The following SOBP variants were observed in gnomAD, a reference collection of about 807,000 sequenced individuals.
SOBP encodes the protein sine oculis-binding protein homolog.
A neutral mutation model predicts 53.6 loss-of-function variants in SOBP; 4 were observed. That is an observed-to-expected ratio of 0.07 (90% CI 0.04 to 0.17). The LOEUF is 0.17. Ranked by LOEUF, SOBP falls within the 10% of genes least tolerant of loss-of-function variation. The pLI, the probability that SOBP is intolerant of heterozygous loss-of-function variation, is 1.00. For synonymous variants in SOBP, 584 were observed against 522.6 expected (o/e 1.12, Z -1.60); for missense variants, 1,088 against 1,204.7 (o/e 0.90, Z 1.43).
chr6:107,515,158 A>G (rs754018033), intron 3 of SOBP: 5 of 152,254 alleles, frequency 3.3e-5, no homozygotes, highest in Non-Finnish European at 5.9e-5. Flanking sequence ...TTAACTTACC[A>G]AAACAGACAG....
rs141775615 is a variant in SOBP at position 107,500,747 on chromosome 6, G to A, written c.97-2910G>A. On this transcript the variant is annotated intron_variant, in intron 1 of 6. Transcript: ENST00000317357. ...TCACCATGTTAGCCAGGATGGTCTC[G>A]ATCTCCTGACCTTGTGATCTGCCCA... 6.3e-3 allele frequency among the ~76,000 whole-genome samples: 957 copies of A among 152,100 alleles called. 6 individuals carry two copies. The highest frequency in any genetic ancestry group is 0.011 in the Non-Finnish European group (748 of 67,996).
intron 5 of SOBP, among the ~76,000 whole-genome samples, chr6:107,613,946 CA>C (rs1051445775): frequency 2.0e-5 from 3 of 152,196 alleles, no homozygotes; most frequent in African/African-American, 7.2e-5. Context: ...TCAACAATCA[CA>C]AAATGATCCA....
chr6:107,546,601 T>C (rs1195141369), intron 4 of SOBP, among the ~76,000 whole-genome samples: 1 of 152,192 alleles, frequency 6.6e-6, no homozygotes, highest in Non-Finnish European at 1.5e-5. Context: ...CCTCTGGATT[T>C]GAAATGGGTG....
At chr6:107,530,321 T>C (rs1783784275) in intron 3 of SOBP, among the ~76,000 whole-genome samples, 1 of 152,214 alleles carries the variant, frequency 6.6e-6, no homozygotes, top group Non-Finnish European at 1.5e-5. Context: ...TTGTAAAGCA[T>C]GCATTTCATT....
intron 6 of SOBP, among the ~76,000 whole-genome samples, chr6:107,645,483 G>T (rs2115169205): frequency 6.6e-6 from 1 of 152,100 alleles, no homozygotes; most frequent in East Asian, 1.9e-4. Flanking sequence ...GAGGGTGTGT[G>T]GCAGGAGTCC....
At chr6:107,555,811 G>C (rs1217732967) in intron 4 of SOBP, among the ~76,000 whole-genome samples, 2 of 152,216 alleles carry the variant, frequency 1.3e-5, no homozygotes, top group African/African-American at 4.8e-5. Context: ...TAGCAATACT[G>C]TTGTGTCTCC....
intron 3 of SOBP, chr6:107,514,803 C>T (rs1783269939): frequency 6.6e-6 from 1 of 152,132 alleles, no homozygotes; most frequent in Non-Finnish European, 1.5e-5. Flanking sequence ...TAGTTGCTCT[C>T]CTGATTTTAT....
intron 4 of SOBP, among the ~76,000 whole-genome samples, chr6:107,577,382 C>T (rs1286955431): frequency 1.3e-5 from 2 of 152,218 alleles, no homozygotes; most frequent in Admixed American, 1.3e-4. Flanking sequence ...GCTTTTGGTG[C>T]TCCACCCCCT....
At chr6:107,506,201 C>T (rs1219166704) in intron 2 of SOBP, 41 bp from the exon 3 acceptor site, 1 of 1,574,162 alleles carries the variant, frequency 6.4e-7, no homozygotes, top group Non-Finnish European at 8.7e-7. Flanking sequence ...TACTGCATTA[C>T]ATTCCTTGGT....
intron 5 of SOBP, among the ~76,000 whole-genome samples, chr6:107,595,018 G>A (rs1387270591): frequency 1.3e-5 from 2 of 152,180 alleles, no homozygotes; most frequent in South Asian, 2.1e-4. Context: ...AAGGAGTACA[G>A]TCTATGATTG....
At chr6:107,517,586 C>G (rs1042105452) in intron 3 of SOBP, among the ~76,000 whole-genome samples, 22 of 152,322 alleles carry the variant, frequency 1.4e-4, no homozygotes, top group African/African-American at 5.1e-4. Context: ...ATTTGGGGGA[C>G]ACACAAACAT....
intron 5 of SOBP, among the ~76,000 whole-genome samples, chr6:107,596,252 T>C (rs1281221550): frequency 6.6e-6 from 1 of 152,152 alleles, no homozygotes; most frequent in Non-Finnish European, 1.5e-5. Flanking sequence ...TGATGACCTG[T>C]CATTGTTTAA....
At chr6:107,531,341 TTA>T (rs1241021575) in intron 3 of SOBP, among the ~76,000 whole-genome samples, 3 of 152,220 alleles carry the variant, frequency 2.0e-5, no homozygotes, top group Non-Finnish European at 4.4e-5. Context: ...AGTGGATAAT[TTA>T]TGAGAATTCT....
At position 107,635,216 on chromosome 6, in the gene SOBP, T is replaced by C; in HGVS notation, c.2372T>C (p.Met791Thr). The change falls in exon 6 of 7, where the codon ATG (methionine) becomes ACG (threonine). Residue 791 changes from methionine (M) to threonine (T), a missense_variant. Physicochemically the swap from Met to Thr is moderately conservative, Grantham distance 81. This residue lies in a region of SOBP where 665 missense variants were observed against 629.7 expected (regional missense o/e 1.06). Coordinates refer to ENST00000317357, the MANE Select transcript of SOBP (RefSeq NM_018013.4). The surrounding 1 kb of genome is among the most constrained non-coding windows in gnomAD (Gnocchi z 4.5). ...HLDGEAAKKL[M>T]GEEALAGGDK... ...GACGGGGAGGCGGCCAAAAAGCTGA[T>C]GGGCGAGGAGGCCCTGGCGGGGGGC... 2 of 1,613,782 alleles carry C rather than the reference T, an allele frequency of 1.2e-6. No homozygotes were observed. The highest frequency in any genetic ancestry group is 1.7e-5 in the Admixed American group (1 of 60,018).
chr6:107,550,735 AG>A (rs1487143355), intron 4 of SOBP, among the ~76,000 whole-genome samples: 2 of 152,204 alleles, frequency 1.3e-5, no homozygotes, highest in Non-Finnish European at 2.9e-5. Context: ...AAGGACGGTG[AG>A]GCTCAAAAAA....
At chr6:107,491,360 C>G (rs1032773758) in intron 1 of SOBP, among the ~76,000 whole-genome samples, 1 of 152,230 alleles carries the variant, frequency 6.6e-6, no homozygotes. Flanking sequence ...CAAGCAGACC[C>G]CGGCCAGCCC....
chr6:107,535,093 G>A (rs1783953474), intron 4 of SOBP, among the ~76,000 whole-genome samples: 1 of 152,118 alleles, frequency 6.6e-6, no homozygotes, highest in Non-Finnish European at 1.5e-5. Context: ...GAAGGGTTAT[G>A]GGTCTGAATC....
At chr6:107,514,684 G>A (rs1397183803) in intron 3 of SOBP, 1 of 152,168 alleles carries the variant, frequency 6.6e-6, no homozygotes. Flanking sequence ...TCTTGAATAA[G>A]GTAGTTTCTC....
chr6:107,626,137 A>G (rs1364690220), intron 5 of SOBP, among the ~76,000 whole-genome samples: 1 of 152,268 alleles, frequency 6.6e-6, no homozygotes, highest in Non-Finnish European at 1.5e-5. Context: ...GATTCAGATA[A>G]TACATTTTAA....
Sources: allele counts gnomAD v4.1 joint callset (sites outside exome capture counted in the v4.1 genomes callset), GRCh38; gene constraint gnomAD v4.1.1; regional missense constraint gnomAD v4.1.1; non-coding constraint Gnocchi (gnomAD v3.1); transcripts MANE v1.5; gene names NCBI Gene and HGNC (gene_info 2026-07-23, HGNC 2026-07-21).